BNC2: variants seen among roughly 807,000 people sequenced by gnomAD.
BNC2 encodes the protein zinc finger protein basonuclin-2.
A neutral mutation model predicts 76.3 loss-of-function variants in BNC2; 20 were observed. The ratio of observed to expected loss-of-function variants is 0.26; its 90% confidence interval spans 0.18 to 0.38. BNC2 has a LOEUF of 0.38. Ranked by LOEUF, BNC2 falls within the 10% of genes least tolerant of loss-of-function variation. The pLI is 1.00. For synonymous variants in BNC2, 582 were observed against 514.8 expected (o/e 1.13, Z -1.77); for missense variants, 1,382 against 1,399.8 (o/e 0.99, Z 0.20).
intron 1 of BNC2, among the ~76,000 whole-genome samples, chr9:16,755,795 T>G (rs1219267059): frequency 6.6e-6 from 1 of 152,196 alleles, no homozygotes; most frequent in African/African-American, 2.4e-5. Flanking sequence ...AATGGCACCA[T>G]CTGCTATTGA....
chr9:16,687,208 TTA>T (rs1019154884), intron 3 of BNC2, among the ~76,000 whole-genome samples: 2 of 151,220 alleles, frequency 1.3e-5, no homozygotes, highest in Non-Finnish European at 3.0e-5. Context: ...GAATTTAATT[TTA>T]AAAAAAAATG....
chr9:16,734,978 C>T (rs1219962779), intron 2 of BNC2, among the ~76,000 whole-genome samples: 1 of 152,116 alleles, frequency 6.6e-6, no homozygotes, highest in Non-Finnish European at 1.5e-5. Flanking sequence ...CCAACTAAAA[C>T]AATCAATGTA....
At chr9:16,654,393 G>T (rs2133979286) in intron 3 of BNC2, among the ~76,000 whole-genome samples, 1 of 152,278 alleles carries the variant, frequency 6.6e-6, no homozygotes, top group East Asian at 1.9e-4. Context: ...TTGTGCTAAT[G>T]AAAGAGAGGC....
chr9:16,562,599 TA>T (rs1487884134), intron 4 of BNC2, among the ~76,000 whole-genome samples: 1 of 152,234 alleles, frequency 6.6e-6, no homozygotes, highest in East Asian at 1.9e-4. Context: ...TACATACTGC[TA>T]ATAAAATTAA....
chr9:16,566,497 C>T (rs1398467176), intron 4 of BNC2, among the ~76,000 whole-genome samples: 2 of 152,086 alleles, frequency 1.3e-5, no homozygotes, highest in African/African-American at 4.8e-5. Context: ...AAGCAGGAAT[C>T]CTGAGTAAAC....
chr9:16,671,050 A>C (rs1295601438), intron 3 of BNC2, among the ~76,000 whole-genome samples: 1 of 152,096 alleles, frequency 6.6e-6, no homozygotes, highest in Non-Finnish European at 1.5e-5. Context: ...GGATCAAGGG[A>C]AATGAGAGCC....
Position 16,719,121 on chromosome 9 carries a change from T to C in BNC2, c.330+8676A>G, listed in dbSNP as rs563478779. Among the ~76,000 whole-genome samples the C allele has an allele frequency of 3.5e-3, 530 of 152,284 alleles. 2 individuals carry two copies. The highest frequency in any genetic ancestry group is 5.6e-3 in the Admixed American group (86 of 15,292). ...GGCATGAGGTCAACAATGAGAATGTTTGCAGGCATTCTCACTCAGGGACAC... is the reference window on the plus strand; with the variant it reads ...GGCATGAGGTCAACAATGAGAATGTCTGCAGGCATTCTCACTCAGGGACAC... On this transcript the variant is annotated intron_variant, in intron 3 of 6. Transcript: ENST00000380672.
chr9:16,602,999 T>C (rs1189772840), intron 3 of BNC2, among the ~76,000 whole-genome samples: 1 of 152,222 alleles, frequency 6.6e-6, no homozygotes, highest in Non-Finnish European at 1.5e-5. Flanking sequence ...ATCCACTGAA[T>C]TTTTGGGAAT....
At chr9:16,590,810 C>T (rs1373026754) in intron 3 of BNC2, among the ~76,000 whole-genome samples, 1 of 151,886 alleles carries the variant, frequency 6.6e-6, no homozygotes, top group African/African-American at 2.4e-5. Flanking sequence ...CTTCATCTCA[C>T]ACACACACAC....
intron 5 of BNC2, among the ~76,000 whole-genome samples, chr9:16,452,509 G>A (rs1455731151): frequency 1.3e-5 from 2 of 152,022 alleles, no homozygotes; most frequent in South Asian, 2.1e-4. Flanking sequence ...TGCAACCTCC[G>A]CCTCCCAGGT....
At chr9:16,471,219 C>T (rs1338707590) in intron 5 of BNC2, among the ~76,000 whole-genome samples, 2 of 152,092 alleles carry the variant, frequency 1.3e-5, no homozygotes, top group Non-Finnish European at 2.9e-5. Flanking sequence ...GCCAATTTCT[C>T]CCATTTGGAA....
chr9:16,526,652 G>C (rs954699408), intron 5 of BNC2, among the ~76,000 whole-genome samples: 1 of 151,930 alleles, frequency 6.6e-6, no homozygotes, highest in Non-Finnish European at 1.5e-5. Context: ...CCTGGTGCCA[G>C]CACAGTATAC....
intron 5 of BNC2, among the ~76,000 whole-genome samples, chr9:16,536,522 T>C (rs1818135554): frequency 6.6e-6 from 1 of 152,182 alleles, no homozygotes; most frequent in African/African-American, 2.4e-5. Context: ...TTTTTATTTT[T>C]TTCCCTTTCT....
At chr9:16,829,101 TC>T (rs1374674679) in intron 1 of BNC2, among the ~76,000 whole-genome samples, 2 of 152,106 alleles carry the variant, frequency 1.3e-5, no homozygotes, top group African/African-American at 4.8e-5. Context: ...GCGCGACTGT[TC>T]CGCCCGCGTC....
chr9:16,643,841 A>C (rs1184908434), intron 3 of BNC2, among the ~76,000 whole-genome samples: 4 of 152,148 alleles, frequency 2.6e-5, no homozygotes. Context: ...TTTTATATTA[A>C]AGAAATCTTC....
rs565415325 is a variant in BNC2, at chr9:16,641,782, A to C, written c.331-58697T>G. ...ATATGGCCATGTTAAATATGTATCA[A>C]ATATGTAATCAAATATGTAAACTCT... On this transcript the variant is annotated intron_variant, in intron 3 of 6. Coordinates refer to ENST00000380672, the MANE Select transcript of BNC2 (RefSeq NM_017637.6). 6.1e-4 allele frequency among the ~76,000 whole-genome samples: 93 copies of C among 152,316 alleles called. No individual in the cohort carries two copies. The Middle Eastern group carries it at 0.032, about 52-fold the overall frequency.
intron 2 of BNC2, among the ~76,000 whole-genome samples, chr9:16,737,888 G>A (rs1824726591): frequency 6.6e-6 from 1 of 152,002 alleles, no homozygotes; most frequent in African/African-American, 2.4e-5. Flanking sequence ...CCATCTAGTT[G>A]GTGGTCCTGG....
intron 5 of BNC2, among the ~76,000 whole-genome samples, chr9:16,540,332 A>G (rs1332659067): frequency 6.6e-6 from 1 of 152,094 alleles, no homozygotes; most frequent in Non-Finnish European, 1.5e-5. Flanking sequence ...TGTATTGAAA[A>G]GAATAAAATC....
At chr9:16,758,048 C>T (rs570700163) in intron 1 of BNC2, among the ~76,000 whole-genome samples, 133 of 152,286 alleles carry the variant, frequency 8.7e-4, no homozygotes, top group Non-Finnish European at 1.6e-3. Context: ...GTCAAGATAT[C>T]AGCAGGGCTG....
Sources: allele counts gnomAD v4.1 joint callset (sites outside exome capture counted in the v4.1 genomes callset), GRCh38; gene constraint gnomAD v4.1.1; transcripts MANE v1.5; gene names NCBI Gene and HGNC (gene_info 2026-07-23, HGNC 2026-07-21).